EPHA6: variants seen among roughly 807,000 people sequenced by gnomAD.
EPHA6 encodes ephrin type-A receptor 6.
A neutral mutation model predicts 112.0 loss-of-function variants in EPHA6; 50 were observed. The observed-to-expected ratio is 0.45, with a 90% confidence interval of 0.36 to 0.56. EPHA6 has a LOEUF of 0.56. Among genes scored for constraint, EPHA6 ranks in the 20% least tolerant of loss-of-function variants. EPHA6 has a pLI of 0.00. For missense variants in EPHA6, 1,280 were observed against 1,417.4 expected (o/e 0.90, Z 1.56); for synonymous variants, 529 against 490.7 (o/e 1.08, Z -1.03).
chr3:97,135,024 G>A (rs143097075), intron 3 of EPHA6, among the ~76,000 whole-genome samples: 1 of 152,212 alleles, frequency 6.6e-6, no homozygotes, highest in African/African-American at 2.4e-5. Context: ...GCCTCTCCCT[G>A]CGTTTGCTGT....
At chr3:97,323,256 A>G (rs1037475834) in intron 5 of EPHA6, among the ~76,000 whole-genome samples, 4 of 152,016 alleles carry the variant, frequency 2.6e-5, no homozygotes, top group African/African-American at 9.7e-5. Flanking sequence ...CTATAAAATT[A>G]TAAGGAAAAT....
intron 2 of EPHA6, 51 bp from the exon 3 acceptor site, chr3:96,987,279 T>C (rs2043057434): frequency 6.8e-7 from 1 of 1,469,764 alleles, no homozygotes; most frequent in African/African-American, 1.4e-5. Flanking sequence ...ATCATTTCTG[T>C]TTAATCACTG....
chr3:97,254,755 C>T (rs2079252696), intron 5 of EPHA6, among the ~76,000 whole-genome samples: 1 of 151,908 alleles, frequency 6.6e-6, no homozygotes, highest in Non-Finnish European at 1.5e-5. Flanking sequence ...ATTTTTAATC[C>T]CCTTGTATCT....
At chr3:97,119,674 G>T (rs963018630) in intron 3 of EPHA6, among the ~76,000 whole-genome samples, 2 of 152,020 alleles carry the variant, frequency 1.3e-5, no homozygotes, top group Non-Finnish European at 2.9e-5. Context: ...AGTATTAATA[G>T]CTTTGTTTTG....
intron 16 of EPHA6, among the ~76,000 whole-genome samples, chr3:97,738,119 T>G (rs2035352718): frequency 6.6e-6 from 1 of 151,376 alleles, no homozygotes; most frequent in Admixed American, 6.6e-5. Context: ...AGAGGAAGAG[T>G]GAATATAAGC....
At position 97,758,855 on chromosome 3, in the gene EPHA6, G is replaced by T. The variant is rs959057449; in HGVS notation, c.*10154G>T. 2.0e-5 allele frequency among the ~76,000 whole-genome samples: 3 copies of T among 151,914 alleles called. No individual in the cohort carries two copies. Among genetic ancestry groups the T allele is most frequent in the Non-Finnish European group, 4.4e-5 (3 of 67,872 alleles). ...TAATGAATGAAAATTTGGAGTGTTG[G>T]AGAGTAGAGAACAGTGTTCTTGGTA... is the stretch of plus-strand genomic sequence containing the variant. On this transcript the variant is annotated 3_prime_UTR_variant, in exon 18 of 18. Transcript: ENST00000389672.
rs1308987124 is a variant in EPHA6, at chr3:97,752,069, C to T, written c.*3368C>T. 4.5e-6 allele frequency: 1 copy of T among 223,832 alleles called. No individual in the cohort carries two copies. Among genetic ancestry groups the T allele is most frequent in the African/African-American group, 2.2e-5 (1 of 44,826 alleles). 13.9% of individuals were successfully genotyped at this position (223,832 alleles called of 1,614,324 possible). On this transcript the variant is annotated 3_prime_UTR_variant, in exon 18 of 18. Transcript: ENST00000389672. ...CGAATCAAGAATTATAGCACTTTTG[C>T]AATGAGTTATAACTGGTGATAAATG... is the stretch of plus-strand genomic sequence containing the variant.
intron 11 of EPHA6, among the ~76,000 whole-genome samples, chr3:97,567,448 G>A (rs1267391728): frequency 1.3e-5 from 2 of 152,152 alleles, no homozygotes; most frequent in Admixed American, 1.3e-4. Context: ...GATTTAGCCT[G>A]AAAACATTTT....
At chr3:96,830,327 A>C (rs2033980955) in intron 1 of EPHA6, among the ~76,000 whole-genome samples, 1 of 152,160 alleles carries the variant, frequency 6.6e-6, no homozygotes, top group African/African-American at 2.4e-5. Context: ...CGCATATAAA[A>C]ATGTATCTCC....
intron 12 of EPHA6, among the ~76,000 whole-genome samples, chr3:97,597,601 A>G (rs916516672): frequency 2.6e-5 from 4 of 152,228 alleles, no homozygotes; most frequent in Non-Finnish European, 4.4e-5. Context: ...CATATCCAAT[A>G]ATGTCATTTC....
At chr3:96,942,372 C>G (rs1365106498) in intron 2 of EPHA6, among the ~76,000 whole-genome samples, 1 of 152,216 alleles carries the variant, frequency 6.6e-6, no homozygotes, top group Non-Finnish European at 1.5e-5. Flanking sequence ...GACTGCTGTG[C>G]TAGCAATCAG....
chr3:96,955,452 A>G (rs903053801), intron 2 of EPHA6, among the ~76,000 whole-genome samples: 17 of 152,316 alleles, frequency 1.1e-4, no homozygotes, highest in African/African-American at 3.8e-4. Context: ...GATATCTTCT[A>G]AGGAAGCAGA....
At chr3:97,109,967 A>G (rs1252490759) in intron 3 of EPHA6, among the ~76,000 whole-genome samples, 1 of 152,128 alleles carries the variant, frequency 6.6e-6, no homozygotes, top group Admixed American at 6.6e-5. Flanking sequence ...GAAGCATTTC[A>G]TTTTCTATTG....
intron 5 of EPHA6, among the ~76,000 whole-genome samples, chr3:97,267,369 A>G (rs779114673): frequency 9.9e-5 from 15 of 152,108 alleles, no homozygotes; most frequent in Admixed American, 1.3e-4. Flanking sequence ...AATCCAATTT[A>G]ATATCTGCTT....
chr3:97,458,452 A>C (rs1205949066), intron 7 of EPHA6, among the ~76,000 whole-genome samples: 1 of 152,120 alleles, frequency 6.6e-6, no homozygotes, highest in Non-Finnish European at 1.5e-5. Context: ...GAGCAGACTA[A>C]ATAACTTTGT....
intron 5 of EPHA6, among the ~76,000 whole-genome samples, chr3:97,298,929 T>C (rs983938369): frequency 1.3e-5 from 2 of 152,188 alleles, no homozygotes; most frequent in African/African-American, 4.8e-5. Context: ...ATTAAAATTC[T>C]AACTTTATCA....
chr3:97,516,502 C>A (rs947629054), intron 10 of EPHA6, among the ~76,000 whole-genome samples: 17 of 152,148 alleles, frequency 1.1e-4, no homozygotes, highest in African/African-American at 4.1e-4. Context: ...CAGAATTCAT[C>A]ATGAGAATAC....
chr3:97,413,556 A>G (rs1236342855), intron 6 of EPHA6, among the ~76,000 whole-genome samples: 1 of 152,066 alleles, frequency 6.6e-6, no homozygotes, highest in Non-Finnish European at 1.5e-5. Context: ...TACATTTTAC[A>G]TAAGATAAAC....
At chr3:97,277,873 G>T (rs898447123) in intron 5 of EPHA6, among the ~76,000 whole-genome samples, 2 of 152,126 alleles carry the variant, frequency 1.3e-5, no homozygotes, top group African/African-American at 2.4e-5. Flanking sequence ...TGCTATTGAT[G>T]ACTTTATAAA....
Sources: gnomAD v4.1 joint callset for allele counts (sites outside exome capture counted in the v4.1 genomes callset) on GRCh38, gnomAD v4.1.1 for gene constraint, MANE v1.5 for transcripts, NCBI Gene and HGNC (gene_info 2026-07-23, HGNC 2026-07-21) for gene names.